Variants in UPF2 observed in about 807,000 individuals in gnomAD.
UPF2 encodes UPF2 regulator of nonsense mediated mRNA decay.
In UPF2, 17 loss-of-function variants were observed where a neutral mutation model predicts 141.4. The ratio of observed to expected loss-of-function variants is 0.12; its 90% CI spans 0.08 to 0.18. The LOEUF (loss-of-function observed/expected upper bound fraction) is 0.18, where lower values mean the gene tolerates loss of function less well. Among genes scored for constraint, UPF2 ranks in the 10% least tolerant of loss-of-function variants. The pLI, the probability that UPF2 is intolerant of heterozygous loss-of-function variation, is 1.00. For synonymous variants in UPF2, 540 were observed against 498.0 expected, an observed-to-expected ratio of 1.08 and a Z score of -1.12; for missense variants, 1,152 against 1,515.9, an observed-to-expected ratio of 0.76 and a Z score of 3.99.
intron 2 of UPF2, among the ~76,000 whole-genome samples, chr10:12,030,558 T>A (rs145474784): frequency 5.6e-4 from 84 of 150,534 alleles, no homozygotes; most frequent in African/African-American, 2.1e-3. Context: ...ATAATAATAA[T>A]AATAATAATT....
chr10:11,973,238 T>A, intron 9 of UPF2, among the ~76,000 whole-genome samples: 1 of 152,220 alleles, frequency 6.6e-6, no homozygotes, highest in Admixed American at 6.5e-5. Context: ...GCTGTTTAAT[T>A]TTTTCTTGTA....
intron 3 of UPF2, among the ~76,000 whole-genome samples, chr10:12,017,909 A>G (rs190241908): frequency 2.3e-4 from 35 of 151,988 alleles, no homozygotes; most frequent in Admixed American, 2.0e-3. Context: ...CAACCCCCAG[A>G]TTTTTTCTTT....
intron 9 of UPF2, among the ~76,000 whole-genome samples, chr10:11,973,865 C>A (rs772733414): frequency 6.6e-6 from 1 of 152,074 alleles, no homozygotes; most frequent in Non-Finnish European, 1.5e-5. Flanking sequence ...CTTGGCAATG[C>A]GGGCTCTTTT....
chr10:11,951,898 G>C (rs1833079731), intron 15 of UPF2, 168 bp downstream of exon 15: 1 of 612,030 alleles, frequency 1.6e-6, no homozygotes, highest in African/African-American at 1.9e-5. Flanking sequence ...AAATTACTTA[G>C]TGAAATCAAG....
intron 8 of UPF2, among the ~76,000 whole-genome samples, chr10:11,986,700 A>G (rs1180005772): frequency 1.3e-5 from 2 of 152,234 alleles, no homozygotes; most frequent in African/African-American, 2.4e-5. Flanking sequence ...TATAATAAGC[A>G]AAAGACTGGG....
At chr10:12,029,580 A>G in intron 2 of UPF2, 56 bp from the exon 3 acceptor site, 1 of 1,495,622 alleles carries the variant, frequency 6.7e-7, no homozygotes, top group Admixed American at 2.3e-5. Context: ...AGCATTATAC[A>G]CAAATCCCCT....
chr10:12,021,787 T>C (rs1387716923), intron 3 of UPF2, among the ~76,000 whole-genome samples: 1 of 152,168 alleles, frequency 6.6e-6, no homozygotes, highest in Non-Finnish European at 1.5e-5. Context: ...CCAGAAAAAC[T>C]GCTGGGTTTT....
Position 11,989,785 on chromosome 10 carries a change from G to T in UPF2, c.1844+7887C>A, listed in dbSNP as rs187998088. Among the ~76,000 whole-genome samples the T allele has an allele frequency of 3.0e-4, 46 of 152,222 alleles. 1 individual carries two copies. The East Asian group carries it at 8.3e-3, about 27-fold the overall frequency. On this transcript the variant is annotated intron_variant, in intron 8 of 21. Coordinates refer to ENST00000357604, the MANE Select transcript of UPF2 (RefSeq NM_015542.4). ...ATCTAGGACTAAGCTGAGTTCACAC[G>T]CTTGTCTCCCATGCCACGGCCACCT...
chr10:11,946,381 T>C (rs1197570544), intron 16 of UPF2, among the ~76,000 whole-genome samples: 4 of 152,202 alleles, frequency 2.6e-5, no homozygotes, highest in African/African-American at 9.7e-5. Context: ...AAAATCCAGT[T>C]TGCAAATCTA....
rs1554774502 is a variant in UPF2 at position 11,936,393 on chromosome 10, A to AAC, written c.3546+151_3546+152insGT. 1.4e-5 allele frequency: 12 copies of AAC among 851,538 alleles called. No individual in the cohort carries two copies. The African/African-American group carries it at 1.4e-4, about 10-fold the overall frequency. 52.7% of individuals were successfully genotyped at this position (851,538 alleles called of 1,614,324 possible). A position where few individuals can be genotyped will look rare whatever the true frequency, so the allele number is the denominator to read the frequency against. ...AAAAACAAAAACAAAAACAAAAACA[A>AAC]AAACAAAAAAAACTATATAAGGGAA... On this transcript the variant is annotated intron_variant, in intron 19 of 21. Transcript: ENST00000357604. This position sits in a 1 kb window ranked among gnomAD's most constrained non-coding sequence, Gnocchi z 6.6.
In UPF2 at chr10:11,939,077, A is replaced by G. The variant is rs1173892427; in HGVS notation, c.3379-2365T>C. Among the ~76,000 whole-genome samples, 1 of 151,712 alleles carries G rather than the reference A, an allele frequency of 6.6e-6. No individual in the cohort carries two copies. The highest frequency in any genetic ancestry group is 1.5e-5 in the Non-Finnish European group (1 of 67,924). On this transcript the variant is annotated intron_variant, in intron 18 of 21. Transcript: ENST00000357604. This position sits in a 1 kb window ranked among gnomAD's most constrained non-coding sequence, Gnocchi z 4.8. ...ACTGGAGACGGGGTTTCACCGTGTTAGCTAGGAGGGTCTCGATCTCCTGAC... is the reference window on the plus strand; with the variant it reads ...ACTGGAGACGGGGTTTCACCGTGTTGGCTAGGAGGGTCTCGATCTCCTGAC...
At chr10:11,990,511 T>A (rs1833760653) in intron 8 of UPF2, among the ~76,000 whole-genome samples, 1 of 151,918 alleles carries the variant, frequency 6.6e-6, no homozygotes, top group Admixed American at 6.6e-5. Flanking sequence ...AAACCCCATC[T>A]CAACCAAAAA....
At position 11,963,027 on chromosome 10, in the gene UPF2, C is replaced by T. The variant is rs957022517; in HGVS notation, c.2184+982G>A. On this transcript the variant is annotated intron_variant, in intron 11 of 21. Transcript: ENST00000357604. The stretch of plus-strand genomic sequence containing the variant: ...TTCTCTATTTATTTGTCTGACTGTC[C>T]TATTAGGCTATAAACTACGTAAGGG... Among the ~76,000 whole-genome samples, 9 of 151,910 alleles carry T rather than the reference C, an allele frequency of 5.9e-5. No individual in the cohort carries two copies. The East Asian group carries it at 1.3e-3, about 23-fold the overall frequency.
rs182659887 is a variant in UPF2, at chr10:11,936,603, G to T, written c.3488C>A (p.Ala1163Asp). Reference sequence around the variant, plus strand: ...AAACGGCATTGTGTCTGCAGACTCAGCCTCTCCTTCCCCACCTCCCAGTGG... The same window carrying T: ...AAACGGCATTGTGTCTGCAGACTCATCCTCTCCTTCCCCACCTCCCAGTGG... ...GPPLGGGEGE[A>D]ESADTMPFVM... The change falls in exon 19 of 22, where the codon GCT becomes GAT. Residue 1163 changes from alanine (A) to aspartate (D), a missense_variant. Coordinates refer to ENST00000357604, the MANE Select transcript of UPF2 (RefSeq NM_015542.4). This position sits in a 1 kb window ranked among gnomAD's most constrained non-coding sequence, Gnocchi z 6.6. The T allele has an allele frequency of 2.3e-5, 37 of 1,612,812 alleles. No homozygotes were observed. The highest frequency in any genetic ancestry group is 2.7e-5 in the Non-Finnish European group (32 of 1,179,580).
chr10:11,937,743 A>C (rs192080444), intron 18 of UPF2, among the ~76,000 whole-genome samples: 1 of 152,300 alleles, frequency 6.6e-6, no homozygotes, highest in African/African-American at 2.4e-5. Context: ...CCACCATTTA[A>C]ATAGTCTTCT....
At chr10:12,031,196 C>CA (rs1294955841) in intron 2 of UPF2, among the ~76,000 whole-genome samples, 1 of 129,232 alleles carries the variant, frequency 7.7e-6, no homozygotes, top group Non-Finnish European at 1.7e-5. Flanking sequence ...AAAAACAAAA[C>CA]AGTTTTGCAA....
chr10:12,021,414 C>T (rs1157682612), intron 3 of UPF2, among the ~76,000 whole-genome samples: 1 of 151,428 alleles, frequency 6.6e-6, no homozygotes, highest in Non-Finnish European at 1.5e-5. Context: ...TGGTGCATAC[C>T]TGTGGTCTCA....
At chr10:11,945,856 G>GA (rs1217416745) in intron 16 of UPF2, among the ~76,000 whole-genome samples, 1 of 152,076 alleles carries the variant, frequency 6.6e-6, no homozygotes, top group Non-Finnish European at 1.5e-5. Flanking sequence ...AGATTAGTCT[G>GA]AAAATATGAA....
intron 12 of UPF2, among the ~76,000 whole-genome samples, chr10:11,958,363 T>A (rs1286490543): frequency 6.6e-6 from 1 of 152,206 alleles, no homozygotes; most frequent in Admixed American, 6.5e-5. Context: ...TTTATTATCA[T>A]CCACAATTCA....
Sources: gnomAD v4.1 joint callset for allele counts (sites outside exome capture counted in the v4.1 genomes callset) on GRCh38, gnomAD v4.1.1 for gene constraint, Gnocchi (gnomAD v3.1) non-coding constraint, MANE v1.5 for transcripts, NCBI Gene and HGNC (gene_info 2026-07-23, HGNC 2026-07-21) for gene names.